The following NRDE2 variants were observed in gnomAD, a reference collection of about 807,000 sequenced individuals.
NRDE2 encodes the protein nuclear exosome regulator NRDE2.
In NRDE2, 76 loss-of-function variants were observed where a neutral mutation model predicts 124.2. The ratio of observed to expected loss-of-function variants is 0.61; its 90% CI spans 0.51 to 0.74. The LOEUF (loss-of-function observed/expected upper bound fraction) is 0.74, where lower values mean the gene tolerates loss of function less well. Among genes scored for constraint, NRDE2 ranks in the 30% least tolerant of loss-of-function variants. NRDE2 has a pLI of 0.00. For missense variants in NRDE2, 1,314 were observed against 1,417.3 expected, an observed-to-expected ratio of 0.93 and a Z score of 1.17; for synonymous variants, 489 against 528.1, an observed-to-expected ratio of 0.93 and a Z score of 1.01.
Position 90,272,276 on chromosome 14 carries a change from A to G in NRDE2, c.*6060T>C. 6.2e-7 allele frequency: 1 copy of G among 1,602,430 alleles called. No individual in the cohort carries two copies. The highest frequency in any genetic ancestry group is 8.5e-7 in the Non-Finnish European group (1 of 1,177,768). ...AACACACTCTTCTTTCTTACAGGCAATCTGTACAGAAGCTGGTCTGATGGC... is the reference window on the plus strand; with the variant it reads ...AACACACTCTTCTTTCTTACAGGCAGTCTGTACAGAAGCTGGTCTGATGGC... On this transcript the variant is annotated 3_prime_UTR_variant, in exon 14 of 14. Coordinates refer to ENST00000354366, the MANE Select transcript of NRDE2 (RefSeq NM_017970.4). The surrounding 1 kb of genome is among the most constrained non-coding windows in gnomAD (Gnocchi z 4.5).
At chr14:90,330,390 C>A (rs34894517) in intron 1 of NRDE2, among the ~76,000 whole-genome samples, 7,959 of 152,106 alleles carry the variant, frequency 0.052, 312 homozygotes, top group Non-Finnish European at 0.073. Flanking sequence ...TTATTGAACA[C>A]CTATTATACT....
In NRDE2 at chr14:90,286,372, C is replaced by A; in HGVS notation, c.3279G>T (p.Arg1093Ser). The change falls in exon 12 of 14, where the codon AGG becomes AGT. Residue 1093 changes from arginine to serine, a missense_variant. By Grantham distance (110) the Arg-to-Ser change is moderately radical (BLOSUM62 -1). Transcript: ENST00000354366. The part of the protein sequence containing the change: ...DSGSQCPLLW[R>S]MYLNFLVSLG... ...TTCTTACCAGAAAGTTCAAATACAT[C>A]CTCCACAGCAAGGGGCACTGGCTGC... The A allele has an allele frequency of 6.2e-7, 1 of 1,613,782 alleles. No homozygotes were observed. The highest frequency in any genetic ancestry group is 8.5e-7 in the Non-Finnish European group (1 of 1,179,846).
In NRDE2 at chr14:90,331,912, G is replaced by A; in HGVS notation, c.-8C>T. 1 of 1,614,070 alleles carries A rather than the reference G, an allele frequency of 6.2e-7. No individual in the cohort carries two copies. The highest frequency in any genetic ancestry group is 1.7e-5 in the Admixed American group (1 of 60,024). On this transcript the variant is annotated 5_prime_UTR_variant, in exon 1 of 14. Coordinates refer to ENST00000354366, the MANE Select transcript of NRDE2 (RefSeq NM_017970.4). ...GGCTGGGAACAGCGCCATGACCACA[G>A]GCCGTACCTCCGTTCTTCTCTATAG...
chr14:90,293,255 T>C (rs1399310084), intron 8 of NRDE2, among the ~76,000 whole-genome samples: 4 of 1,300 alleles, frequency 3.1e-3, no homozygotes, highest in African/African-American at 3.3e-3. Flanking sequence ...CTGAATTCCT[T>C]TTTTTTTTTT....
rs150655513 is a variant in NRDE2, at chr14:90,279,962, G to A, written c.3298-829C>T. 4.1e-3 allele frequency: 627 copies of A among 152,518 alleles called. 3 individuals are homozygous for A. Among genetic ancestry groups the A allele is most frequent in the Non-Finnish European group, 7.2e-3 (490 of 68,226 alleles). The allele number at this position is 152,518 out of a possible 1,614,324, so 9.4% of individuals were successfully genotyped here. A position where few individuals can be genotyped will look rare whatever the true frequency, so the allele number is the denominator to read the frequency against. ...GCCAGCCCTGCCCAACCAAGCGGCC[G>A]GGGCACAGCATCCAGCCCGGGACCA... On this transcript the variant is annotated intron_variant, in intron 12 of 13. Coordinates refer to ENST00000354366, the MANE Select transcript of NRDE2 (RefSeq NM_017970.4).
chr14:90,319,068 G>A (rs1432543657), intron 1 of NRDE2, among the ~76,000 whole-genome samples: 1 of 151,990 alleles, frequency 6.6e-6, no homozygotes, highest in Non-Finnish European at 1.5e-5. Flanking sequence ...TCTTCTTTCT[G>A]CTTACCCCTA....
chr14:90,313,752 C>G (rs1884940043), intron 3 of NRDE2, among the ~76,000 whole-genome samples: 1 of 152,136 alleles, frequency 6.6e-6, no homozygotes, highest in Admixed American at 6.5e-5. Flanking sequence ...TTCAGCTCTG[C>G]CCAGGTACAA....
Position 90,278,086 on chromosome 14 carries a change from G to A in NRDE2, c.*250C>T, listed in dbSNP as rs1891846324. ...CAATCATCATCGGTTTAATGACCAC[G>A]TGGCATGACTCTCTGGCTATGTACA... is the stretch of plus-strand genomic sequence containing the variant. On this transcript the variant is annotated 3_prime_UTR_variant, in exon 14 of 14. Coordinates refer to ENST00000354366, the MANE Select transcript of NRDE2 (RefSeq NM_017970.4). 2.7e-6 allele frequency: 1 copy of A among 370,386 alleles called. No individual in the cohort carries two copies. The highest frequency in any genetic ancestry group is 5.1e-6 in the Non-Finnish European group (1 of 196,066). The allele number at this position is 370,386 out of a possible 1,614,324, so 22.9% of individuals were successfully genotyped here.
intron 1 of NRDE2, among the ~76,000 whole-genome samples, chr14:90,328,303 C>A (rs1222148130): frequency 3.8e-5 from 3 of 78,852 alleles, no homozygotes. Flanking sequence ...GACTCTGTCT[C>A]CAAAAAAAAA....
chr14:90,323,165 A>G (rs766436756), intron 1 of NRDE2, among the ~76,000 whole-genome samples: 11 of 152,350 alleles, frequency 7.2e-5, no homozygotes, highest in Non-Finnish European at 1.2e-4. Flanking sequence ...GTCTGGTAGA[A>G]ATGTAGCATG....
Position 90,292,994 on chromosome 14 carries a change from AGT to A in NRDE2, c.1667-124_1667-123del, listed in dbSNP as rs1305582375. 33 of 839,126 alleles carry A rather than the reference AGT, an allele frequency of 3.9e-5. No individual in the cohort carries two copies. The African/African-American group carries it at 4.7e-4, about 12-fold the overall frequency. The allele number at this position is 839,126 out of a possible 1,614,324, so 52.0% of individuals were successfully genotyped here. On this transcript the variant is annotated intron_variant, in intron 8 of 13. Transcript: ENST00000354366. ...TGCCAAGATGTGTAAGAGCCATGCC[AGT>A]CTCCCAGGATACTCAGTGGCATTTA...
chr14:90,315,156 G>A (rs192858449), intron 3 of NRDE2, among the ~76,000 whole-genome samples: 34 of 111,614 alleles, frequency 3.0e-4, no homozygotes, highest in African/African-American at 1.1e-3. Context: ...CAGCCTGGCC[G>A]ACAGAGCAAT....
chr14:90,304,215 T>C lies in NRDE2; in HGVS notation c.725A>G (p.Lys242Arg), dbSNP rs754596189. ...MNIDGVAISS[K>R]TEPPSSEPIS... is the part of the protein sequence containing the mutation. ...GGGCTCAGATGAGGGAGGTTCAGTTTTACTGCTAATGGCAACTCCATCGAT... is the reference window on the plus strand; with the variant it reads ...GGGCTCAGATGAGGGAGGTTCAGTTCTACTGCTAATGGCAACTCCATCGAT... Residue 242 changes from lysine to arginine, a missense_variant, in exon 5 of 14, where the codon AAA becomes AGA. Coordinates refer to ENST00000354366, the MANE Select transcript of NRDE2 (RefSeq NM_017970.4). 6.2e-7 allele frequency: 1 copy of C among 1,614,194 alleles called. No homozygotes were observed. Among genetic ancestry groups the C allele is most frequent in the Non-Finnish European group, 8.5e-7 (1 of 1,180,042 alleles).
chr14:90,303,941 A>G lies in NRDE2; in HGVS notation c.999T>C (p.Ala333=). ...RDTQLWMAFV[A]FQDEVMKSPG... ...TTGGGATGGCAACACATACCTGAAA[A>G]GCAACAAATGCCATCCACAGCTGCG... is the stretch of plus-strand genomic sequence containing the variant. The change falls in exon 5 of 14, where the codon GCT becomes GCC. Residue 333 remains alanine (A), a synonymous_variant. Transcript: ENST00000354366. 1 of 1,602,102 alleles carries G rather than the reference A, an allele frequency of 6.2e-7. No homozygotes were observed. The highest frequency in any genetic ancestry group is 2.2e-5 in the East Asian group (1 of 44,670).
Position 90,318,015 on chromosome 14 carries a change from G to C in NRDE2, c.163C>G (p.Pro55Ala). 6.2e-7 allele frequency: 1 copy of C among 1,613,650 alleles called. No individual in the cohort carries two copies. Among genetic ancestry groups the C allele is most frequent in the Non-Finnish European group, 8.5e-7 (1 of 1,179,728 alleles). ...AAPAHVSEGL[P>A]LTRSHLKSES... is the part of the protein sequence containing the mutation. The stretch of plus-strand genomic sequence containing the variant: ...TCAAACAAAAACTACCTTGTCAGCG[G>C]TAACCCTTCAGAAACATGGGCTGGA... Residue 55 changes from proline (P) to alanine (A), a missense_variant, in exon 2 of 14, where the codon CCG becomes GCG. Physicochemically the swap from Pro to Ala is conservative, Grantham distance 27. Coordinates refer to ENST00000354366, the MANE Select transcript of NRDE2 (RefSeq NM_017970.4).
intron 11 of NRDE2, 138 bp from the exon 12 acceptor site, chr14:90,286,630 A>G (rs1222234152): frequency 2.7e-6 from 3 of 1,120,038 alleles, no homozygotes; most frequent in Non-Finnish European, 3.7e-6. Flanking sequence ...CCTCAGGCGT[A>G]GAGCGCTGTG....
At chr14:90,323,386 G>C (rs1885309376) in intron 1 of NRDE2, among the ~76,000 whole-genome samples, 1 of 152,090 alleles carries the variant, frequency 6.6e-6, no homozygotes, top group African/African-American at 2.4e-5. Context: ...ACTATAATTG[G>C]ATAAAATATC....
In NRDE2 at chr14:90,311,092, T is replaced by G. The variant is rs548181789; in HGVS notation, c.557+1302A>C. On this transcript the variant is annotated intron_variant, in intron 4 of 13. Transcript: ENST00000354366. ...GGATGAGTGACAATAGGATTAAAAT[T>G]TGGAGATACAGCAAAGTAATGGAAA... Among the ~76,000 whole-genome samples, 21 of 152,256 alleles carry G rather than the reference T, an allele frequency of 1.4e-4. No individual in the cohort carries two copies. The South Asian group carries it at 2.1e-3, about 15-fold the overall frequency.
At chr14:90,283,061 A>G (rs1168694759) in intron 12 of NRDE2, among the ~76,000 whole-genome samples, 1 of 152,134 alleles carries the variant, frequency 6.6e-6, no homozygotes, top group African/African-American at 2.4e-5. Context: ...TCCTCCAGGG[A>G]GCCTTAGCCT....
Sources: allele counts gnomAD v4.1 joint callset (sites outside exome capture counted in the v4.1 genomes callset), GRCh38; gene constraint gnomAD v4.1.1; non-coding constraint Gnocchi (gnomAD v3.1); transcripts MANE v1.5; gene names NCBI Gene and HGNC (gene_info 2026-07-23, HGNC 2026-07-21).